The following DOCK9 variants were observed in gnomAD, a reference collection of about 807,000 sequenced individuals.
DOCK9 encodes the protein dedicator of cytokinesis 9.
A neutral mutation model predicts 263.3 loss-of-function variants in DOCK9; 89 were observed. The observed-to-expected ratio is 0.34, with a 90% CI of 0.28 to 0.40. The LOEUF (loss-of-function observed/expected upper bound fraction) is 0.40, where lower values mean the gene tolerates loss of function less well. DOCK9 is among the 10% of genes least tolerant of loss of function. The pLI, the probability that DOCK9 is intolerant of heterozygous loss-of-function variation, is 1.00. For synonymous variants in DOCK9, 976 were observed against 973.1 expected (o/e 1.00, Z -0.06); for missense variants, 2,140 against 2,603.4 (o/e 0.82, Z 3.87).
chr13:99,013,728 C>T (rs9517542), intron 1 of DOCK9, among the ~76,000 whole-genome samples: 65,771 of 151,830 alleles, frequency 0.43, 14,739 homozygotes, highest in East Asian at 0.65. Flanking sequence ...AGCAGAGAAA[C>T]AGACACACAG....
intron 1 of DOCK9, among the ~76,000 whole-genome samples, chr13:98,973,461 G>A (rs9300523): frequency 6.6e-6 from 1 of 152,134 alleles, no homozygotes; most frequent in African/African-American, 2.4e-5. Flanking sequence ...TCAAGTACTC[G>A]CACTGCCTTC....
chr13:98,962,033 C>T (rs569168530), intron 1 of DOCK9, among the ~76,000 whole-genome samples: 1 of 152,346 alleles, frequency 6.6e-6, no homozygotes, highest in East Asian at 1.9e-4. Flanking sequence ...ATTCCTGTGA[C>T]ATTCCCAGAT....
chr13:98,931,028 T>C (rs1331500945), intron 2 of DOCK9, among the ~76,000 whole-genome samples: 1 of 152,216 alleles, frequency 6.6e-6, no homozygotes. Flanking sequence ...CCATCTCTTG[T>C]CATTTACATC....
In DOCK9 at chr13:98,930,336, T is replaced by C. The variant is rs1308808298; in HGVS notation, c.244-79A>G. ...AGCCTCAGAGTGCAGCTGTGTGCCC[T>C]GCAGCTGGCCCTGGCAGCCACAGAG... On this transcript the variant is annotated intron_variant, in intron 2 of 52. Transcript: ENST00000682017. 6 of 1,247,924 alleles carry C rather than the reference T, an allele frequency of 4.8e-6. No individual in the cohort carries two copies. The Admixed American group carries it at 5.9e-5, about 12-fold the overall frequency. The allele number at this position is 1,247,924 out of a possible 1,614,324, so 77.3% of individuals were successfully genotyped here.
At chr13:98,912,007 T>C (rs2050131790) in intron 9 of DOCK9, among the ~76,000 whole-genome samples, 1 of 151,502 alleles carries the variant, frequency 6.6e-6, no homozygotes, top group Admixed American at 6.6e-5. Flanking sequence ...GTAGCTGGGA[T>C]TACAGGCACC....
chr13:98,940,946 T>C (rs1208118228), intron 2 of DOCK9, among the ~76,000 whole-genome samples: 2 of 152,184 alleles, frequency 1.3e-5, no homozygotes, highest in East Asian at 1.9e-4. Context: ...CAGTGACGCC[T>C]CATTGCCACC....
chr13:98,984,976 C>A (rs1240420524), intron 1 of DOCK9, among the ~76,000 whole-genome samples: 4 of 151,578 alleles, frequency 2.6e-5, no homozygotes, highest in Middle Eastern at 3.4e-3. Flanking sequence ...GTCAGATTCT[C>A]ATTTCCAACA....
chr13:98,954,945 T>A (rs1178343670), intron 2 of DOCK9, among the ~76,000 whole-genome samples: 1 of 151,298 alleles, frequency 6.6e-6, no homozygotes, highest in Non-Finnish European at 1.5e-5. Context: ...CCATTAAAAA[T>A]TATCAACTCA....
rs1017020175 is a variant in DOCK9, at chr13:98,800,566, C to T, written c.5726-88G>A. On this transcript the variant is annotated intron_variant, in intron 49 of 52. Coordinates refer to ENST00000682017, the MANE Select transcript of DOCK9 (RefSeq NM_001366683.2). The stretch of plus-strand genomic sequence containing the variant: ...ATTATTATTAGAAGTGATTATTATA[C>T]ATGTCATTATTACTTACATTTTTAA... The T allele has an allele frequency of 1.5e-5, 22 of 1,423,194 alleles. No homozygotes were observed. In the African/African-American group the frequency reaches 3.1e-4, roughly 20 times the overall value. 88.2% of individuals were successfully genotyped at this position (1,423,194 alleles called of 1,614,324 possible).
At chr13:99,084,700 A>G (rs1055045814) in intron 1 of DOCK9, among the ~76,000 whole-genome samples, 10 of 152,216 alleles carry the variant, frequency 6.6e-5, no homozygotes, top group African/African-American at 2.4e-4. Flanking sequence ...GCACTTTGGA[A>G]ATCATGGCAC....
intron 19 of DOCK9, among the ~76,000 whole-genome samples, chr13:98,886,264 A>G (rs2045679278): frequency 6.6e-6 from 1 of 152,198 alleles, no homozygotes; most frequent in African/African-American, 2.4e-5. Context: ...TAGGAAATAT[A>G]CCAGAATATT....
intron 1 of DOCK9, among the ~76,000 whole-genome samples, chr13:99,039,559 G>A (rs558614467): frequency 1.3e-5 from 2 of 152,260 alleles, no homozygotes; most frequent in African/African-American, 4.8e-5. Flanking sequence ...GCTATTCTCT[G>A]CAAAATGATG....
chr13:98,939,918 C>T (rs2055537119), intron 2 of DOCK9, among the ~76,000 whole-genome samples: 1 of 152,242 alleles, frequency 6.6e-6, no homozygotes, highest in Non-Finnish European at 1.5e-5. Flanking sequence ...CCTTTGATAT[C>T]TGCTGGAAAC....
intron 32 of DOCK9, among the ~76,000 whole-genome samples, chr13:98,862,532 C>CA (rs1309717232): frequency 1.3e-5 from 2 of 151,978 alleles, no homozygotes; most frequent in Admixed American, 6.6e-5. Context: ...ACTAAAAATA[C>CA]AAAAAAATTG....
At chr13:98,948,936 T>C (rs61968750) in intron 2 of DOCK9, among the ~76,000 whole-genome samples, 128 of 152,346 alleles carry the variant, frequency 8.4e-4, no homozygotes, top group South Asian at 3.1e-3. Context: ...CCACATTTTC[T>C]TTCTCCATTT....
At chr13:98,863,320 A>G (rs1399320319) in intron 31 of DOCK9, 50 bp downstream of exon 31, 1 of 1,585,182 alleles carries the variant, frequency 6.3e-7, no homozygotes, top group Admixed American at 1.7e-5. Context: ...TACACCACTT[A>G]AAATAAAGGA....
intron 45 of DOCK9, among the ~76,000 whole-genome samples, chr13:98,822,919 G>A (rs1055121869): frequency 4.0e-5 from 6 of 151,846 alleles, no homozygotes; most frequent in Non-Finnish European, 7.4e-5. Flanking sequence ...TACAACAGTG[G>A]TTCTTAAACT....
intron 3 of DOCK9, among the ~76,000 whole-genome samples, chr13:98,928,151 C>T (rs1342811516): frequency 6.6e-6 from 1 of 152,136 alleles, no homozygotes; most frequent in African/African-American, 2.4e-5. Flanking sequence ...GCAAGCAACC[C>T]CCACCCCTCT....
chr13:98,891,163 C>G (rs993560536), intron 15 of DOCK9, among the ~76,000 whole-genome samples: 1 of 152,078 alleles, frequency 6.6e-6, no homozygotes, highest in African/African-American at 2.4e-5. Context: ...AGCTTTTGAC[C>G]CAGCATCTCC....
Sources: gnomAD v4.1 joint callset for allele counts (sites outside exome capture counted in the v4.1 genomes callset) on GRCh38, gnomAD v4.1.1 for gene constraint, MANE v1.5 for transcripts, NCBI Gene and HGNC (gene_info 2026-07-23, HGNC 2026-07-21) for gene names.